The following RPH3A variants were observed in gnomAD, a reference collection of about 807,000 sequenced individuals.
RPH3A encodes the protein rabphilin-3A.
A neutral mutation model predicts 102.2 loss-of-function variants in RPH3A; 48 were observed. The observed-to-expected ratio is 0.47, with a 90% CI of 0.37 to 0.60. RPH3A has a LOEUF of 0.60. RPH3A is among the 20% of genes least tolerant of loss of function. The probability of loss-of-function intolerance (pLI) is 0.00; values close to 1 mark genes in which losing one functional copy is unlikely to be tolerated. For missense variants in RPH3A, 781 were observed against 910.1 expected (o/e 0.86, Z 1.83); for synonymous variants, 310 against 324.3 (o/e 0.96, Z 0.47).
chr12:112,579,668 C>T (rs1177424823), intron 1 of RPH3A, among the ~76,000 whole-genome samples: 1 of 152,190 alleles, frequency 6.6e-6, no homozygotes, highest in African/African-American at 2.4e-5. Context: ...TTCTGTTCCT[C>T]TGTTTCTGGT....
At chr12:112,592,414 G>C (rs1194756189) in intron 1 of RPH3A, among the ~76,000 whole-genome samples, 3 of 152,166 alleles carry the variant, frequency 2.0e-5, no homozygotes, top group Admixed American at 2.0e-4. Flanking sequence ...TGCCTCCCGG[G>C]TTCAAGCGGC....
chr12:112,877,459 C>CACACACACACA (rs1555219884), intron 13 of RPH3A, among the ~76,000 whole-genome samples: 6 of 146,384 alleles, frequency 4.1e-5, no homozygotes, highest in South Asian at 2.2e-4. Context: ...CACACACACA[C>CACACACACACA]CAGTGGCATT....
rs934676445 is a variant in RPH3A, at chr12:112,869,798, G to A, written c.649+1G>A. 6.2e-7 allele frequency: 1 copy of A among 1,614,140 alleles called. No individual in the cohort carries two copies. The highest frequency in any genetic ancestry group is 8.5e-7 in the Non-Finnish European group (1 of 1,179,994). Reference sequence around the variant, plus strand: ...AGGAGGGGCCCGGGTCAGAAGACAGGTGGGTTCTGCTGACTCTGTTTTGTC... The same window carrying A: ...AGGAGGGGCCCGGGTCAGAAGACAGATGGGTTCTGCTGACTCTGTTTTGTC... On this transcript the variant is annotated splice_donor_variant, in intron 9 of 21. Transcript: ENST00000389385. LOFTEE classifies it high-confidence loss of function.
intron 4 of RPH3A, among the ~76,000 whole-genome samples, chr12:112,844,882 G>A (rs991141943): frequency 3.3e-5 from 5 of 152,202 alleles, no homozygotes; most frequent in African/African-American, 4.8e-5. Context: ...TGTCACCTGG[G>A]GCAGCAGTTA....
At position 112,869,929 on chromosome 12, in the gene RPH3A, A is replaced by G. The variant is rs754165001; in HGVS notation, c.686A>G (p.Tyr229Cys). ...GCCTCTGCTCCCGGGCGAGGAAACT[A>G]TGGGCCTCCCGTGCGCAGGGCCTCC... The part of the protein sequence containing the change: ...DPASAPGRGN[Y>C]GPPVRRASEA... Residue 229 changes from tyrosine to cysteine, a missense_variant, in exon 10 of 22, where the codon TAT (tyrosine) becomes TGT (cysteine). Physicochemically the swap from Tyr to Cys is radical, Grantham distance 194. Coordinates refer to ENST00000389385, the MANE Select transcript of RPH3A (RefSeq NM_001143854.2). 2.4e-5 allele frequency: 38 copies of G among 1,613,982 alleles called. 1 individual carries two copies. The highest frequency in any genetic ancestry group is 5.0e-5 in the Admixed American group (3 of 59,992).
rs527876437 is a variant in RPH3A, at chr12:112,748,974, A to T, written c.-139-43169A>T. Reference sequence around the variant, plus strand: ...CTTTTGGTCTCTCTTGAAAAATCAGATGATCTGGCAACACTGGGATCCTTG... The same window carrying T: ...CTTTTGGTCTCTCTTGAAAAATCAGTTGATCTGGCAACACTGGGATCCTTG... On this transcript the variant is annotated intron_variant, in intron 1 of 21. Coordinates refer to the RPH3A transcript ENST00000543106. Among the ~76,000 whole-genome samples the T allele has an allele frequency of 1.4e-4, 21 of 152,138 alleles. 2 individuals carry two copies. In the East Asian group the frequency reaches 4.1e-3, roughly 29 times the overall value.
At chr12:112,764,208 G>C (rs965684900) in intron 1 of RPH3A, among the ~76,000 whole-genome samples, 2 of 152,204 alleles carry the variant, frequency 1.3e-5, no homozygotes, top group African/African-American at 4.8e-5. Context: ...TCAGAATGAA[G>C]ACCCAGCCCC....
chr12:112,824,610 A>G (rs2041835844), intron 2 of RPH3A, among the ~76,000 whole-genome samples: 1 of 152,134 alleles, frequency 6.6e-6, no homozygotes, highest in Non-Finnish European at 1.5e-5. Flanking sequence ...CTTCTGGTCC[A>G]GGCCTGGTAG....
At chr12:112,779,860 T>C (rs890162073) in intron 1 of RPH3A, among the ~76,000 whole-genome samples, 7 of 152,152 alleles carry the variant, frequency 4.6e-5, no homozygotes, top group African/African-American at 2.4e-5. Flanking sequence ...TCCAATATGA[T>C]TGGTGTCATC....
At chr12:112,803,123 G>A (rs568332824) in intron 2 of RPH3A, among the ~76,000 whole-genome samples, 204 of 152,240 alleles carry the variant, frequency 1.3e-3, no homozygotes, top group African/African-American at 4.7e-3. Flanking sequence ...TTACTATGGG[G>A]TGGTCATTTC....
At chr12:112,611,130 T>C (rs923669721) in intron 1 of RPH3A, among the ~76,000 whole-genome samples, 1 of 152,218 alleles carries the variant, frequency 6.6e-6, no homozygotes, top group Non-Finnish European at 1.5e-5. Flanking sequence ...ATTCAGCTTT[T>C]TAGTAAGCAG....
intron 1 of RPH3A, among the ~76,000 whole-genome samples, chr12:112,643,088 G>C (rs2039902632): frequency 2.0e-5 from 3 of 152,204 alleles, no homozygotes; most frequent in Admixed American, 1.3e-4. Flanking sequence ...AGGCAAGAGA[G>C]GTTTGGTAAC....
chr12:112,613,683 C>G (rs1451218576), intron 1 of RPH3A, among the ~76,000 whole-genome samples: 1 of 152,032 alleles, frequency 6.6e-6, no homozygotes, highest in Non-Finnish European at 1.5e-5. Flanking sequence ...TGCCTGTAGA[C>G]CCAGCTACTT....
At chr12:112,863,201 C>T (rs2042551053) in intron 5 of RPH3A, among the ~76,000 whole-genome samples, 1 of 152,208 alleles carries the variant, frequency 6.6e-6, no homozygotes. Context: ...CACCTCAGGC[C>T]CCACCTCAGA....
At chr12:112,726,520 A>G (rs1256513272) in intron 1 of RPH3A, among the ~76,000 whole-genome samples, 1 of 152,202 alleles carries the variant, frequency 6.6e-6, no homozygotes, top group East Asian at 1.9e-4. Flanking sequence ...ATATACCTTT[A>G]TTATGAAAAT....
At chr12:112,842,187 A>T (rs1037855594) in intron 4 of RPH3A, among the ~76,000 whole-genome samples, 32 of 152,198 alleles carry the variant, frequency 2.1e-4, no homozygotes, top group African/African-American at 7.5e-4. Flanking sequence ...TTCAGTGCCC[A>T]CTATATGTGC....
intron 1 of RPH3A, among the ~76,000 whole-genome samples, chr12:112,612,773 A>G (rs1005869119): frequency 2.0e-5 from 3 of 151,118 alleles, no homozygotes; most frequent in Admixed American, 1.3e-4. Flanking sequence ...CTGGAGTTTC[A>G]TCAGATTGCC....
chr12:112,704,985 G>C (rs1226564409), intron 1 of RPH3A, among the ~76,000 whole-genome samples: 1 of 152,164 alleles, frequency 6.6e-6, no homozygotes, highest in Admixed American at 6.5e-5. Flanking sequence ...CAAAGTAATC[G>C]CGCTTTAAAT....
At chr12:112,730,242 G>A (rs1014494167) in intron 1 of RPH3A, among the ~76,000 whole-genome samples, 1 of 152,216 alleles carries the variant, frequency 6.6e-6, no homozygotes, top group African/African-American at 2.4e-5. Flanking sequence ...GTCTGTGGTA[G>A]GGTGATCCTG....
Sources: gnomAD v4.1 joint callset for allele counts (sites outside exome capture counted in the v4.1 genomes callset) on GRCh38, gnomAD v4.1.1 for gene constraint, MANE v1.5 for transcripts, NCBI Gene and HGNC (gene_info 2026-07-23, HGNC 2026-07-21) for gene names.